LYPLAL1: variants seen among roughly 807,000 people sequenced by gnomAD.
LYPLAL1 encodes lysophospholipase like 1, also known as lysophospholipase-like protein 1.
In LYPLAL1, 23 loss-of-function variants were observed where a neutral mutation model predicts 19.7. The observed-to-expected ratio is 1.17, with a 90% CI of 0.84 to 1.65. The LOEUF is 1.65. LYPLAL1 is among the 40% of genes most tolerant of loss of function. LYPLAL1 has a pLI of 0.00. For synonymous variants in LYPLAL1, 119 were observed against 96.3 expected (o/e 1.24, Z -1.38); for missense variants, 355 against 279.4 (o/e 1.27, Z -1.93).
At chr1:219,180,853 A>G (rs1274422859) in intron 2 of LYPLAL1, among the ~76,000 whole-genome samples, 1 of 152,162 alleles carries the variant, frequency 6.6e-6, no homozygotes, top group Non-Finnish European at 1.5e-5. Flanking sequence ...AGAAAATCCA[A>G]AAATCTCCAT....
At chr1:219,239,591 A>G in the LYPLAL1 span, among the ~76,000 whole-genome samples, 1 of 152,220 alleles carries the variant, frequency 6.6e-6, no homozygotes, top group Non-Finnish European at 1.5e-5. Context: ...GTCAGCACAT[A>G]TAATAGTTTA....
chr1:219,274,866 T>C, the LYPLAL1 span, among the ~76,000 whole-genome samples: 1 of 152,170 alleles, frequency 6.6e-6, no homozygotes, highest in Non-Finnish European at 1.5e-5. Flanking sequence ...CCTCCTCTTA[T>C]AGGAGGCTTT....
the LYPLAL1 span, among the ~76,000 whole-genome samples, chr1:219,287,508 C>T: frequency 2.0e-5 from 3 of 152,302 alleles, no homozygotes; most frequent in South Asian, 6.2e-4. Flanking sequence ...ATAGCCTACA[C>T]ACCTATTAGA....
the LYPLAL1 span, among the ~76,000 whole-genome samples, chr1:219,398,936 G>A: frequency 3.3e-5 from 5 of 152,320 alleles, no homozygotes; most frequent in East Asian, 7.7e-4. Context: ...AGTGGCCTGA[G>A]GTGCTCCCAG....
chr1:219,187,098 C>A (rs1192592371), intron 2 of LYPLAL1, among the ~76,000 whole-genome samples: 1 of 150,218 alleles, frequency 6.7e-6, no homozygotes, highest in African/African-American at 2.4e-5. Context: ...TTATAGTTTT[C>A]ATATGTATTT....
chr1:219,270,505 G>A, the LYPLAL1 span, among the ~76,000 whole-genome samples: 1,055 of 152,282 alleles, frequency 6.9e-3, 8 homozygotes, highest in Non-Finnish European at 0.01. Context: ...TGCACGAAAA[G>A]GCTGGCCACC....
chr1:219,247,191 T>C, the LYPLAL1 span, among the ~76,000 whole-genome samples: 1 of 152,232 alleles, frequency 6.6e-6, no homozygotes, highest in Non-Finnish European at 1.5e-5. Flanking sequence ...ATTTTCATGA[T>C]AATGTGTTGC....
At chr1:219,256,558 A>T in the LYPLAL1 span, among the ~76,000 whole-genome samples, 1 of 150,630 alleles carries the variant, frequency 6.6e-6, no homozygotes. Flanking sequence ...GGCTTTCTTA[A>T]TCCTTTGATT....
chr1:219,414,633 G>A, the LYPLAL1 span, among the ~76,000 whole-genome samples: 44 of 152,130 alleles, frequency 2.9e-4, no homozygotes, highest in African/African-American at 8.7e-4. Flanking sequence ...ACTCCTCCTC[G>A]CTTTTATTTC....
intron 4 of LYPLAL1, among the ~76,000 whole-genome samples, chr1:219,211,013 C>G (rs1311478289): frequency 2.6e-5 from 4 of 152,090 alleles, no homozygotes; most frequent in Non-Finnish European, 5.9e-5. Context: ...TTACATAGCA[C>G]ATACTTATTA....
chr1:219,277,332 T>A, the LYPLAL1 span, among the ~76,000 whole-genome samples: 2 of 152,210 alleles, frequency 1.3e-5, no homozygotes, highest in Non-Finnish European at 2.9e-5. Context: ...ATTCATTGAT[T>A]ATGATCAGCA....
the LYPLAL1 span, among the ~76,000 whole-genome samples, chr1:219,301,046 A>T: frequency 2.1e-5 from 3 of 144,730 alleles, no homozygotes; most frequent in African/African-American, 7.6e-5. Flanking sequence ...ACATAGCAAG[A>T]CTCCACCTCT....
the LYPLAL1 span, among the ~76,000 whole-genome samples, chr1:219,294,774 G>C: frequency 1.3e-5 from 2 of 152,178 alleles, no homozygotes; most frequent in African/African-American, 2.4e-5. Flanking sequence ...TTATTAGAAA[G>C]TGCTCTTGGA....
intron 3 of LYPLAL1, 42 bp downstream of exon 3, chr1:219,193,293 T>A: frequency 6.6e-7 from 1 of 1,511,006 alleles, no homozygotes; most frequent in Non-Finnish European, 9.1e-7. Flanking sequence ...TGTTCACTTT[T>A]GTCTAATTCT....
At chr1:219,393,800 A>T in the LYPLAL1 span, among the ~76,000 whole-genome samples, 1 of 151,232 alleles carries the variant, frequency 6.6e-6, no homozygotes, top group Non-Finnish European at 1.5e-5. Flanking sequence ...GTAAGATAAA[A>T]TACTGAAACA....
At chr1:219,300,421 C>A in the LYPLAL1 span, among the ~76,000 whole-genome samples, 1 of 149,696 alleles carries the variant, frequency 6.7e-6, no homozygotes, top group African/African-American at 2.5e-5. Context: ...TCTTTCCTGT[C>A]AATTTTTAAA....
the LYPLAL1 span, among the ~76,000 whole-genome samples, chr1:219,259,503 G>A: frequency 6.6e-6 from 1 of 151,206 alleles, no homozygotes; most frequent in Non-Finnish European, 1.5e-5. Context: ...ACTGGATGGG[G>A]TTGGAGACCA....
chr1:219,179,321 G>A, intron 2 of LYPLAL1, 75 bp downstream of exon 2: 1 of 1,055,436 alleles, frequency 9.5e-7, no homozygotes, highest in Non-Finnish European at 1.4e-6. Context: ...TGCCAGCTAG[G>A]TGTTCTTTAA....
At position 219,211,636 on chromosome 1, in the gene LYPLAL1, A is replaced by T. The variant is rs774144709; in HGVS notation, c.622A>T (p.Asn208Tyr). 2 of 1,613,494 alleles carry T rather than the reference A, an allele frequency of 1.2e-6. No individual in the cohort carries two copies. Among genetic ancestry groups the T allele is most frequent in the Non-Finnish European group, 1.7e-6 (2 of 1,179,580 alleles). The change falls in exon 5 of 5, where the codon AAT becomes TAT. Residue 208 changes from asparagine (N) to tyrosine (Y), a missense_variant. Asn to Tyr is a moderately radical substitution (Grantham distance 143). Transcript: ENST00000366928. ...GVTTKFHSFP[N>Y]VYHELSKTEL... The stretch of plus-strand genomic sequence containing the variant: ...GACCACGAAGTTTCATAGTTTTCCA[A>T]ATGTTTACCATGAGCTAAGCAAAAC...
Sources: allele counts gnomAD v4.1 joint callset (sites outside exome capture counted in the v4.1 genomes callset), GRCh38; gene constraint gnomAD v4.1.1; transcripts MANE v1.5; gene names NCBI Gene and HGNC (gene_info 2026-07-23, HGNC 2026-07-21).